Variants in RHPN1 observed in about 807,000 individuals in gnomAD.
RHPN1 encodes rhophilin-1.
Under a neutral mutation model 74.7 loss-of-function variants are expected in RHPN1, and 77 were observed. The observed-to-expected ratio is 1.03, with a 90% CI of 0.86 to 1.25. RHPN1 has a LOEUF of 1.25. Among genes scored for constraint, RHPN1 ranks in the 50% most tolerant of loss-of-function variants. The pLI, the probability that RHPN1 is intolerant of heterozygous loss-of-function variation, is 0.00. For synonymous variants in RHPN1, 444 were observed against 414.5 expected (o/e 1.07, Z -0.87); for missense variants, 987 against 932.2 (o/e 1.06, Z -0.77).
In RHPN1 at chr8:143,380,619, G is replaced by A; in HGVS notation, c.1247G>A (p.Gly416Glu). The A allele has an allele frequency of 3.9e-6, 6 of 1,545,816 alleles. No homozygotes were observed. The highest frequency in any genetic ancestry group is 1.2e-5 in the South Asian group (1 of 83,586). ...GCACACCTGAAGCGTGCCATCCTGG[G>A]GCAGGAGGAGGCGCTGCGGCTGCAC... is the stretch of plus-strand genomic sequence containing the variant. The part of the protein sequence containing the change: ...GKAHLKRAIL[G>E]QEEALRLHAL... The change falls in exon 11 of 15, where the codon GGG becomes GAG. Residue 416 changes from glycine (G) to glutamate (E), a missense_variant. Gly to Glu is a moderately conservative substitution (Grantham distance 98, BLOSUM62 -2). Coordinates refer to ENST00000289013, the MANE Select transcript of RHPN1 (RefSeq NM_052924.3).
intron 1 of RHPN1, 66 bp downstream of exon 1, chr8:143,369,113 C>T: frequency 7.7e-7 from 1 of 1,291,932 alleles, no homozygotes; most frequent in Non-Finnish European, 1.0e-6. Flanking sequence ...TGCCCCCCCT[C>T]GAGGCGCGTT....
At chr8:143,378,033 C>A (rs1818402153) in intron 4 of RHPN1, among the ~76,000 whole-genome samples, 1 of 152,212 alleles carries the variant, frequency 6.6e-6, no homozygotes, top group Admixed American at 6.5e-5. Flanking sequence ...ACCCCAGGGC[C>A]ACAGGGGCTC....
chr8:143,375,725 A>AG, intron 2 of RHPN1, 57 bp downstream of exon 2: 1 of 1,332,298 alleles, frequency 7.5e-7, no homozygotes, highest in Non-Finnish European at 1.0e-6. Flanking sequence ...TGAGGGGGGC[A>AG]GGACAGCCAC....
At position 143,376,802 on chromosome 8, in the gene RHPN1, CTG is replaced by C. The variant is rs372165249; in HGVS notation, c.305+152_305+153del. On this transcript the variant is annotated intron_variant, in intron 3 of 14. Transcript: ENST00000289013. ...TGTGTGCATGTGTGTGCATGCATGT[CTG>C]TGCGCGTGTGTCTGTGTGCATGTGT... 9.3e-3 allele frequency: 8,559 copies of C among 919,414 alleles called. 470 individuals are homozygous for C. In the African/African-American group the frequency reaches 0.13, roughly 14 times the overall value. 57.0% of individuals were successfully genotyped at this position (919,414 alleles called of 1,614,324 possible). A position where few individuals can be genotyped will look rare whatever the true frequency, so the allele number is the denominator to read the frequency against.
rs1415658012 is a variant in RHPN1, at chr8:143,382,610, C to G, written c.1972C>G (p.Pro658Ala). ...CCCCCAGCCCTGTGCCCCAGTGAAG[C>G]CAGCTCCGCCCTCATCCTTGAAGCA... ...GCPQPCAPVKPAPPSSLKHPG... is the reference protein window; with the variant it reads ...GCPQPCAPVKAAPPSSLKHPG... Residue 658 changes from proline (P) to alanine (A), a missense_variant, in exon 15 of 15, where the codon CCA (proline) becomes GCA (alanine). Coordinates refer to ENST00000289013, the MANE Select transcript of RHPN1 (RefSeq NM_052924.3). 7 of 1,610,780 alleles carry G rather than the reference C, an allele frequency of 4.3e-6. No homozygotes were observed. The highest frequency in any genetic ancestry group is 4.5e-5 in the East Asian group (2 of 44,872).
Position 143,381,682 on chromosome 8 carries a change from C to T in RHPN1, c.1599C>T (p.Val533=). ...TCACGCTTCGGGGAGACTCGCCTGTCCTCATCGCTGCCGTCATTCCAGGGA... is the reference window on the plus strand; with the variant it reads ...TCACGCTTCGGGGAGACTCGCCTGTTCTCATCGCTGCCGTCATTCCAGGGA... ...FGLTLRGDSP[V]LIAAVIPGSQ... The change falls in exon 13 of 15, where the codon GTC becomes GTT. Residue 533 remains valine (V), a synonymous_variant. Transcript: ENST00000289013. 3.1e-6 allele frequency: 5 copies of T among 1,611,636 alleles called. No individual in the cohort carries two copies. Among genetic ancestry groups the T allele is most frequent in the Non-Finnish European group, 4.2e-6 (5 of 1,179,492 alleles).
In RHPN1 at chr8:143,382,808, G is replaced by C; in HGVS notation, c.*157G>C. 1.6e-6 allele frequency: 1 copy of C among 629,580 alleles called. No individual in the cohort carries two copies. Among genetic ancestry groups the C allele is most frequent in the South Asian group, 2.0e-5 (1 of 50,950 alleles). 39.0% of individuals were successfully genotyped at this position (629,580 alleles called of 1,614,324 possible). Reference sequence around the variant, plus strand: ...TGCCCATTAAAGACTGGTCAGACCTGTCTGAGCCCAGTGATGGGAGCTGTG... The same window carrying C: ...TGCCCATTAAAGACTGGTCAGACCTCTCTGAGCCCAGTGATGGGAGCTGTG... On this transcript the variant is annotated 3_prime_UTR_variant, in exon 15 of 15. Transcript: ENST00000289013.
Position 143,381,186 on chromosome 8 carries a change from G to A in RHPN1, c.1412-82G>A, listed in dbSNP as rs76237431. The A allele has an allele frequency of 1.3e-3, 1,605 of 1,216,114 alleles. 18 individuals are homozygous for A. In the African/African-American group the frequency reaches 0.022, roughly 17 times the overall value. 75.3% of individuals were successfully genotyped at this position (1,216,114 alleles called of 1,614,324 possible). A position where few individuals can be genotyped will look rare whatever the true frequency, so the allele number is the denominator to read the frequency against. ...CAGAAGCGGGGCCTGTGTGCACTCA[G>A]GGTCATGCCCTGCGCCCTGGAAAAT... On this transcript the variant is annotated intron_variant, in intron 11 of 14. Transcript: ENST00000289013.
Position 143,378,248 on chromosome 8 carries a change from CCAA to C in RHPN1, c.382-18_382-16del, listed in dbSNP as rs1403427824. The C allele has an allele frequency of 6.4e-7, 1 of 1,556,106 alleles. No homozygotes were observed. The highest frequency in any genetic ancestry group is 8.7e-7 in the Non-Finnish European group (1 of 1,148,770). Reference sequence around the variant, plus strand: ...GCCAGGCACAGGGGTACTGTGGATGCCAACACCTGCCCCCCATCAGGAGCTGAT... The same window carrying C: ...GCCAGGCACAGGGGTACTGTGGATGCCACCTGCCCCCCATCAGGAGCTGAT... On this transcript the variant is annotated intron_variant, in intron 4 of 14. Coordinates refer to ENST00000289013, the MANE Select transcript of RHPN1 (RefSeq NM_052924.3).
chr8:143,372,349 A>G (rs1266160368), intron 1 of RHPN1, among the ~76,000 whole-genome samples: 1 of 152,098 alleles, frequency 6.6e-6, no homozygotes, highest in African/African-American at 2.4e-5. Context: ...AGCTTCTCAG[A>G]TCTGAGGCGC....
chr8:143,382,375 G>A, intron 14 of RHPN1, 61 bp from the exon 15 acceptor site: 1 of 1,438,612 alleles, frequency 7.0e-7, no homozygotes, highest in Non-Finnish European at 9.5e-7. Flanking sequence ...CTCCCAGACT[G>A]GCTGCAGGTG....
chr8:143,374,867 C>T (rs1006387135), intron 1 of RHPN1, among the ~76,000 whole-genome samples: 2 of 152,242 alleles, frequency 1.3e-5, no homozygotes, highest in Non-Finnish European at 2.9e-5. Flanking sequence ...TGGGCACGCC[C>T]CACTCTTTCG....
chr8:143,364,650 CTG>C (rs1048541253), upstream of RHPN1, among the ~76,000 whole-genome samples: 1 of 151,380 alleles, frequency 6.6e-6, no homozygotes, highest in Non-Finnish European at 1.5e-5. The surrounding 1 kb of genome is among the most constrained non-coding windows in gnomAD (Gnocchi z 4.5). Context: ...TGTCTGTTCT[CTG>C]GGGGTTTAGG....
chr8:143,381,121 C>A, intron 11 of RHPN1, 147 bp from the exon 12 acceptor site: 1 of 688,398 alleles, frequency 1.5e-6, no homozygotes, highest in Non-Finnish European at 2.4e-6. Flanking sequence ...ACACCTGGGG[C>A]AGCTCCTCCC....
Position 143,368,881 on chromosome 8 carries a change from G to A in RHPN1, c.-107G>A, listed in dbSNP as rs1420426297. The A allele has an allele frequency of 2.0e-5, 16 of 787,096 alleles. No individual in the cohort carries two copies. Among genetic ancestry groups the A allele is most frequent in the East Asian group, 3.7e-5 (1 of 26,944 alleles). The allele number at this position is 787,096 out of a possible 1,614,324, so 48.8% of individuals were successfully genotyped here. A position where few individuals can be genotyped will look rare whatever the true frequency, so the allele number is the denominator to read the frequency against. ...AGTCGGGGACCGGCGCGGGCACTCA[G>A]GAGCCCGCGGCCCAGGTGGTGCGGG... On this transcript the variant is annotated 5_prime_UTR_variant, in exon 1 of 15. Coordinates refer to ENST00000289013, the MANE Select transcript of RHPN1 (RefSeq NM_052924.3).
At position 143,381,662 on chromosome 8, in the gene RHPN1, C is replaced by T; in HGVS notation, c.1579C>T (p.Leu527Phe). The T allele has an allele frequency of 6.2e-7, 1 of 1,611,712 alleles. No individual in the cohort carries two copies. The highest frequency in any genetic ancestry group is 8.5e-7 in the Non-Finnish European group (1 of 1,179,566). ...AGGAGAGGGCGGCTTTGGCCTCACG[C>T]TTCGGGGAGACTCGCCTGTCCTCAT... ...TRGEGGFGLTLRGDSPVLIAA... is the reference protein window; with the variant it reads ...TRGEGGFGLTFRGDSPVLIAA... The change falls in exon 13 of 15, where the codon CTT becomes TTT. Residue 527 changes from leucine (L) to phenylalanine (F), a missense_variant. Physicochemically the swap from Leu to Phe is conservative, Grantham distance 22. Coordinates refer to ENST00000289013, the MANE Select transcript of RHPN1 (RefSeq NM_052924.3).
Position 143,382,771 on chromosome 8 carries a change from C to G in RHPN1, c.*120C>G. 2.4e-6 allele frequency: 2 copies of G among 827,234 alleles called. No individual in the cohort carries two copies. Among genetic ancestry groups the G allele is most frequent in the Non-Finnish European group, 3.7e-6 (2 of 533,760 alleles). The allele number at this position is 827,234 out of a possible 1,614,324, so 51.2% of individuals were successfully genotyped here. A position where few individuals can be genotyped will look rare whatever the true frequency, so the allele number is the denominator to read the frequency against. On this transcript the variant is annotated 3_prime_UTR_variant, in exon 15 of 15. Transcript: ENST00000289013. Reference sequence around the variant, plus strand: ...TCCCGCCTCATGCTGGAGGCTGCCTCGGGCACCTGCCTGCCCATTAAAGAC... The same window carrying G: ...TCCCGCCTCATGCTGGAGGCTGCCTGGGGCACCTGCCTGCCCATTAAAGAC...
At chr8:143,364,574 C>T (rs1817538380), upstream of RHPN1, among the ~76,000 whole-genome samples, 1 of 151,880 alleles carries the variant, frequency 6.6e-6, no homozygotes, top group Non-Finnish European at 1.5e-5. The surrounding 1 kb of genome is among the most constrained non-coding windows in gnomAD (Gnocchi z 4.5). Flanking sequence ...TCCCGGCAAG[C>T]TAATGTTCTC....
chr8:143,378,356 T>TCGGGGGGGG lies in RHPN1; in HGVS notation c.459+11_459+12insGGGGGGGGC. On this transcript the variant is annotated intron_variant, in intron 5 of 14. Transcript: ENST00000289013. ...GGAGGCCCTGCGGCAGGTGTGTGGT[T>TCGGGGGGGG]CCCCCGCCCACCCACCCTCCTGCAG... The TCGGGGGGGG allele has an allele frequency of 3.9e-6, 6 of 1,525,408 alleles. No individual in the cohort carries two copies. Among genetic ancestry groups the TCGGGGGGGG allele is most frequent in the Non-Finnish European group, 5.3e-6 (6 of 1,136,318 alleles). The allele number at this position is 1,525,408 out of a possible 1,614,324, so 94.5% of individuals were successfully genotyped here.
Sources: gnomAD v4.1 joint callset for allele counts (sites outside exome capture counted in the v4.1 genomes callset) on GRCh38, gnomAD v4.1.1 for gene constraint, Gnocchi (gnomAD v3.1) non-coding constraint, MANE v1.5 for transcripts, NCBI Gene and HGNC (gene_info 2026-07-23, HGNC 2026-07-21) for gene names.